PDZD4: variants seen among roughly 807,000 people sequenced by gnomAD.
PDZD4 encodes PDZ domain containing 4.
Under a neutral mutation model 38.5 loss-of-function variants are expected in PDZD4, and 9 were observed. The observed-to-expected ratio is 0.23, with a 90% confidence interval of 0.14 to 0.41. The LOEUF is 0.41. Among genes scored for constraint, PDZD4 ranks in the 10% least tolerant of loss-of-function variants. The pLI, the probability that PDZD4 is intolerant of heterozygous loss-of-function variation, is 1.00. For missense variants in PDZD4, 612 were observed against 722.0 expected (o/e 0.85, Z 1.75); for synonymous variants, 349 against 315.7 (o/e 1.11, Z -1.12).
chrX:153,819,697 GCCA>G (rs1557080817), intron 1 of PDZD4, among the ~76,000 whole-genome samples: 1 of 112,611 alleles, frequency 8.9e-6, no homozygotes, highest in Non-Finnish European at 1.9e-5. Context: ...TAGCTTCCAG[GCCA>G]AGTCAGGCAT....
chrX:153,816,263 C>T (rs3020793), intron 1 of PDZD4, among the ~76,000 whole-genome samples: 1 of 108,230 alleles, frequency 9.2e-6, no homozygotes, highest in African/African-American at 3.4e-5. Flanking sequence ...CAAGCTCTCC[C>T]GCCCACAGAT....
At chrX:153,805,441 C>CAGCA in intron 6 of PDZD4, 64 bp downstream of exon 6, 1 of 952,713 alleles carries the variant, frequency 1.0e-6, no homozygotes, top group Non-Finnish European at 1.5e-6. Context: ...TAGTCACGGC[C>CAGCA]AGCAGCTTCC....
chrX:153,805,232 C>T (rs372161379), intron 6 of PDZD4, 25 bp from the exon 7 acceptor site: 1 of 1,155,587 alleles, frequency 8.7e-7, no homozygotes. Flanking sequence ...CCTGGTGTCC[C>T]CACAGCTTCA....
chrX:153,804,487 G>A lies in PDZD4; in HGVS notation c.1194C>T (p.Asn398=), dbSNP rs2092201092. ...TGGCCATCTCGTGGCCCAGGCTCTC[G>A]TTGCGGTTGACGTCCAGGGCGCTGT... is the stretch of plus-strand genomic sequence containing the variant. ...GGNSALDVNR[N]ESLGHEMAML... is the part of the protein sequence containing the mutation. Residue 398 remains asparagine (N), a synonymous_variant, in exon 8 of 8, where the codon AAC becomes AAT. Coordinates refer to ENST00000393758, the MANE Select transcript of PDZD4 (RefSeq NM_001303512.2). The A allele has an allele frequency of 6.6e-6, 8 of 1,210,149 alleles. No homozygotes were observed. The highest frequency in any genetic ancestry group is 8.9e-6 in the Non-Finnish European group (8 of 895,513).
In PDZD4 at chrX:153,803,262, C is replaced by T. The variant is rs782529177; in HGVS notation, c.*91G>A. ...TGCGCACAGCGAGCACGCGCGCGCG[C>T]ACACACACACACACACAATCTCTAT... On this transcript the variant is annotated 3_prime_UTR_variant, in exon 8 of 8. Coordinates refer to ENST00000393758, the MANE Select transcript of PDZD4 (RefSeq NM_001303512.2). 15 of 479,533 alleles carry T rather than the reference C, an allele frequency of 3.1e-5. No individual in the cohort carries two copies. Among genetic ancestry groups the T allele is most frequent in the African/African-American group, 2.8e-4 (11 of 39,196 alleles). 39.5% of individuals were successfully genotyped at this position (479,533 alleles called of 1,213,427 possible). A position where few individuals can be genotyped will look rare whatever the true frequency, so the allele number is the denominator to read the frequency against.
chrX:153,806,935 A>G lies in PDZD4; in HGVS notation c.406-95T>C, dbSNP rs1171772341. On this transcript the variant is annotated intron_variant, in intron 3 of 7. Transcript: ENST00000393758. ...GCACAGCCCAGCCCCTCAGCCCGCAACCCCTCAGCCCGCAGCCCCTCAGCT... is the reference window on the plus strand; with the variant it reads ...GCACAGCCCAGCCCCTCAGCCCGCAGCCCCTCAGCCCGCAGCCCCTCAGCT... 3.9e-5 allele frequency: 29 copies of G among 745,242 alleles called. No homozygotes were observed. The South Asian group carries it at 5.2e-4, about 13-fold the overall frequency. 61.4% of individuals were successfully genotyped at this position (745,242 alleles called of 1,213,427 possible). A position where few individuals can be genotyped will look rare whatever the true frequency, so the allele number is the denominator to read the frequency against.
At chrX:153,814,488 C>CCCA (rs2064341769) in intron 1 of PDZD4, among the ~76,000 whole-genome samples, 1 of 85,828 alleles carries the variant, frequency 1.2e-5, no homozygotes, top group African/African-American at 4.2e-5. Flanking sequence ...CCACCCCCCC[C>CCCA]CCAAAAAAAA....
chrX:153,809,591 A>G (rs1423225209), intron 1 of PDZD4, among the ~76,000 whole-genome samples: 1 of 112,138 alleles, frequency 8.9e-6, no homozygotes, highest in Non-Finnish European at 1.9e-5. Context: ...CGTCTCAAAG[A>G]AAAAAAAATG....
At chrX:153,821,546 T>C (rs1336319994) in intron 1 of PDZD4, among the ~76,000 whole-genome samples, 2 of 110,776 alleles carry the variant, frequency 1.8e-5, no homozygotes, top group East Asian at 5.6e-4. Flanking sequence ...ACCATAGATC[T>C]ACTCCCGGTC....
rs1202488041 is a variant in PDZD4 at position 153,830,386 on chromosome X, G to A, written c.-88C>T. On this transcript the variant is annotated 5_prime_UTR_variant, in exon 1 of 8. Coordinates refer to ENST00000393758, the MANE Select transcript of PDZD4 (RefSeq NM_001303512.2). ...CGCGGGACCTCGGGTCCCGGGCCGG[G>A]GCCAGGGGCCATACCCTGGCGCGGG... 2 of 892,039 alleles carry A rather than the reference G, an allele frequency of 2.2e-6. No homozygotes were observed. Among genetic ancestry groups the A allele is most frequent in the Non-Finnish European group, 3.2e-6 (2 of 623,138 alleles). The allele number at this position is 892,039 out of a possible 1,213,427, so 73.5% of individuals were successfully genotyped here.
Position 153,816,892 on chromosome X carries a change from G to C in PDZD4, c.61-8297C>G, listed in dbSNP as rs181080325. ...CAGTAGAGGTGGTGGGATGTGGTCAGAGTCAGCTTGGGTTTTAGAGGTAGG... is the reference window on the plus strand; with the variant it reads ...CAGTAGAGGTGGTGGGATGTGGTCACAGTCAGCTTGGGTTTTAGAGGTAGG... On this transcript the variant is annotated intron_variant, in intron 1 of 7. Transcript: ENST00000393758. 5.4e-5 allele frequency among the ~76,000 whole-genome samples: 6 copies of C among 111,743 alleles called. No homozygotes were observed. The East Asian group carries it at 1.7e-3, about 31-fold the overall frequency.
rs1292816102 is a variant in PDZD4 at position 153,830,526 on chromosome X, C to G, written c.-228G>C. 2 of 276,070 alleles carry G rather than the reference C, an allele frequency of 7.2e-6. No homozygotes were observed. Among genetic ancestry groups the G allele is most frequent in the Non-Finnish European group, 1.3e-5 (2 of 157,231 alleles). The allele number at this position is 276,070 out of a possible 1,213,427, so 22.8% of individuals were successfully genotyped here. On this transcript the variant is annotated 5_prime_UTR_variant, in exon 1 of 8. Coordinates refer to ENST00000393758, the MANE Select transcript of PDZD4 (RefSeq NM_001303512.2). ...AGGCGCGGGCATGCTCCCTCGCACC[C>G]GGCCAGGAGAAAAAGGGCAGCGGGG...
chrX:153,803,667 C>T lies in PDZD4; in HGVS notation c.2014G>A (p.Ala672Thr). 4 of 1,210,234 alleles carry T rather than the reference C, an allele frequency of 3.3e-6. No individual in the cohort carries two copies. In the South Asian group the frequency reaches 7.0e-5, roughly 21 times the overall value. The change falls in exon 8 of 8, where the codon GCG becomes ACG. Residue 672 changes from alanine to threonine, a missense_variant. Ala to Thr is a moderately conservative substitution (Grantham distance 58, BLOSUM62 0). Coordinates refer to ENST00000393758, the MANE Select transcript of PDZD4 (RefSeq NM_001303512.2). Reference sequence around the variant, plus strand: ...CGGCCCATCTTCATCTCGCTCACCGCGTCGTCGTCGGTCGTCATACCGCTG... The same window carrying T: ...CGGCCCATCTTCATCTCGCTCACCGTGTCGTCGTCGGTCGTCATACCGCTG... The part of the protein sequence containing the change: ...ERSGMTTDDD[A>T]VSEMKMGRYW...
rs782608272 is a variant in PDZD4 at position 153,804,313 on chromosome X, C to T, written c.1368G>A (p.Lys456=). ...GCTCGGAGATGTCGGACAGCTCGTG[C>T]TTCTTGGGCTCGCTGGCCGCCAGGT... ...LYDLAASEPK[K]HELSDISELP... Residue 456 remains lysine, a synonymous_variant, in exon 8 of 8, where the codon AAG becomes AAA. Coordinates refer to ENST00000393758, the MANE Select transcript of PDZD4 (RefSeq NM_001303512.2). 1 of 1,207,567 alleles carries T rather than the reference C, an allele frequency of 8.3e-7. No homozygotes were observed. The highest frequency in any genetic ancestry group is 1.8e-5 in the South Asian group (1 of 57,007).
intron 5 of PDZD4, 109 bp from the exon 6 acceptor site, chrX:153,805,715 G>A: frequency 1.6e-6 from 1 of 611,758 alleles, no homozygotes; most frequent in Non-Finnish European, 2.7e-6. Context: ...GCTAGGCTGG[G>A]GCTTGAGCTC....
At chrX:153,829,697 G>C in intron 1 of PDZD4, 1 of 753,818 alleles carries the variant, frequency 1.3e-6, no homozygotes, top group Non-Finnish European at 1.6e-6. Flanking sequence ...CACCCGCAGA[G>C]AGCCCAACCC....
chrX:153,809,490 G>A (rs1557078255), intron 1 of PDZD4, among the ~76,000 whole-genome samples: 1 of 112,637 alleles, frequency 8.9e-6, no homozygotes, highest in Non-Finnish European at 1.9e-5. Context: ...GGGAGGCTGA[G>A]GCAGGAAAAT....
In PDZD4 at chrX:153,806,772, G is replaced by A. The variant is rs374407815; in HGVS notation, c.474C>T (p.Asp158=). 9.1e-6 allele frequency: 11 copies of A among 1,209,311 alleles called. No individual in the cohort carries two copies. Among genetic ancestry groups the A allele is most frequent in the South Asian group, 7.0e-5 (4 of 56,742 alleles). ...LGLMVCYRTD[D]EEDLGIYVGE... is the part of the protein sequence containing the mutation. ...CGACATAAATGCCCAGGTCCTCCTC[G>A]TCGTCCGTGCGGTAGCAAACCATCA... Residue 158 remains aspartate, a synonymous_variant, in exon 4 of 8, where the codon GAC becomes GAT. Transcript: ENST00000393758.
chrX:153,807,089 C>T (rs1196342497), intron 3 of PDZD4, among the ~76,000 whole-genome samples, 190 bp downstream of exon 3: 1 of 112,940 alleles, frequency 8.9e-6, no homozygotes, highest in Non-Finnish European at 1.9e-5. Context: ...GCACAGGACA[C>T]AGAAGACAGA....
Sources: gnomAD v4.1 joint callset for allele counts (sites outside exome capture counted in the v4.1 genomes callset) on GRCh38, gnomAD v4.1.1 for gene constraint, MANE v1.5 for transcripts, NCBI Gene and HGNC (gene_info 2026-07-23, HGNC 2026-07-21) for gene names.